The following RORA variants were observed in gnomAD, a reference collection of about 807,000 sequenced individuals.
RORA encodes the protein nuclear receptor ROR-alpha.
A neutral mutation model predicts 69.5 loss-of-function variants in RORA; 7 were observed. That is an observed-to-expected ratio of 0.10 (90% CI 0.06 to 0.19). The LOEUF (loss-of-function observed/expected upper bound fraction) is 0.19. RORA is among the 10% of genes least tolerant of loss of function. The pLI, the probability that RORA is intolerant of heterozygous loss-of-function variation, is 1.00. For synonymous variants in RORA, 261 were observed against 240.8 expected (o/e 1.08, Z -0.78); for missense variants, 457 against 663.0 (o/e 0.69, Z 3.41).
Position 61,186,633 on chromosome 15 carries a change from C to T in RORA, c.166+42420G>A, listed in dbSNP as rs1291091291. Among the ~76,000 whole-genome samples, 145 of 95,910 alleles carry T rather than the reference C, an allele frequency of 1.5e-3. 1 individual carries two copies. The highest frequency in any genetic ancestry group is 7.8e-3 in the Middle Eastern group (1 of 128). 62.9% of individuals were successfully genotyped at this position (95,910 alleles called of 152,430 possible). ...TCCAGCCTGGGCAATGATGTGAGACCCTGACTCAAAAAAAAAAAAAAAAAA... is the reference window on the plus strand; with the variant it reads ...TCCAGCCTGGGCAATGATGTGAGACTCTGACTCAAAAAAAAAAAAAAAAAA... On this transcript the variant is annotated intron_variant, in intron 1 of 10. Coordinates refer to ENST00000335670, the MANE Select transcript of RORA (RefSeq NM_134261.3).
chr15:61,062,273 C>T (rs2140548125), intron 1 of RORA, among the ~76,000 whole-genome samples: 1 of 152,278 alleles, frequency 6.6e-6, no homozygotes, highest in South Asian at 2.1e-4. Context: ...GCCCAGCTTC[C>T]CAAGTTTGTC....
At chr15:61,202,850 ATT>A (rs2079907875) in intron 1 of RORA, among the ~76,000 whole-genome samples, 1 of 152,196 alleles carries the variant, frequency 6.6e-6, no homozygotes, top group African/African-American at 2.4e-5. Context: ...ATGCAAACGT[ATT>A]TAGGCTCTGA....
At chr15:61,075,413 T>C (rs535381833) in intron 1 of RORA, among the ~76,000 whole-genome samples, 71 of 152,288 alleles carry the variant, frequency 4.7e-4, no homozygotes, top group African/African-American at 1.7e-3. Context: ...AGGGAAGGCC[T>C]GCAGTGGGTG....
chr15:60,573,782 G>A (rs563560240), intron 2 of RORA, among the ~76,000 whole-genome samples: 64 of 152,304 alleles, frequency 4.2e-4, no homozygotes, highest in Middle Eastern at 3.4e-3. Flanking sequence ...CCCTCAGTCT[G>A]ATTTGTGCTC....
intron 1 of RORA, among the ~76,000 whole-genome samples, chr15:61,169,320 T>A (rs1487487194): frequency 1.3e-5 from 2 of 151,912 alleles, no homozygotes; most frequent in Non-Finnish European, 2.9e-5. Context: ...GGCTTGACGT[T>A]GATGCTAAAA....
chr15:60,884,202 AAG>A (rs570842239), intron 1 of RORA, among the ~76,000 whole-genome samples: 13 of 150,780 alleles, frequency 8.6e-5, no homozygotes, highest in Middle Eastern at 3.4e-3. Flanking sequence ...CAAAGAGAGA[AAG>A]AGAGAGAGAG....
intron 1 of RORA, among the ~76,000 whole-genome samples, chr15:61,114,708 C>A (rs997703183): frequency 6.6e-6 from 1 of 152,128 alleles, no homozygotes; most frequent in Non-Finnish European, 1.5e-5. Context: ...ATATAATTGG[C>A]CTTGCATCAC....
chr15:60,603,855 C>A (rs113335544), intron 2 of RORA, among the ~76,000 whole-genome samples: 2 of 152,216 alleles, frequency 1.3e-5, no homozygotes, highest in South Asian at 4.1e-4. Context: ...ACAAACAGGG[C>A]GGGGCATGGT....
At chr15:61,168,332 G>A (rs954294724) in intron 1 of RORA, among the ~76,000 whole-genome samples, 6 of 151,950 alleles carry the variant, frequency 3.9e-5, no homozygotes, top group African/African-American at 9.7e-5. Flanking sequence ...GGGTTCAAGC[G>A]ATTCTCTTGC....
At position 61,173,969 on chromosome 15, in the gene RORA, G is replaced by A. The variant is rs1339847692; in HGVS notation, c.166+55084C>T. On this transcript the variant is annotated intron_variant, in intron 1 of 10. Coordinates refer to ENST00000335670, the MANE Select transcript of RORA (RefSeq NM_134261.3). ...GTCTGAATCAGCAGGTGAGGGGCCT[G>A]GGAATCTGTGCTTTTAGCAAACTCC... 1.3e-5 allele frequency among the ~76,000 whole-genome samples: 2 copies of A among 152,190 alleles called. 1 individual carries two copies. The highest frequency in any genetic ancestry group is 1.3e-4 in the Admixed American group (2 of 15,278).
chr15:61,027,226 T>TA (rs5813060), intron 1 of RORA, among the ~76,000 whole-genome samples: 10,397 of 152,302 alleles, frequency 0.068, 395 homozygotes, highest in East Asian at 0.15. Context: ...GAGGACTATT[T>TA]AAGGTGCGAA....
intron 1 of RORA, among the ~76,000 whole-genome samples, chr15:60,695,958 C>A (rs1015065684): frequency 1.3e-5 from 2 of 152,074 alleles, no homozygotes; most frequent in African/African-American, 2.4e-5. Context: ...CCGCGACCAC[C>A]AAGCCACAGA....
chr15:60,863,989 T>C lies in RORA; in HGVS notation c.167-185303A>G, dbSNP rs576467715. Among the ~76,000 whole-genome samples the C allele has an allele frequency of 3.3e-5, 5 of 152,280 alleles. No homozygotes were observed. The South Asian group carries it at 1.0e-3, about 32-fold the overall frequency. ...GCCCAGCTAGTTTTTGTATTTTTAGTAGAGAGGGAATTTCACCATATTGGC... is the reference window on the plus strand; with the variant it reads ...GCCCAGCTAGTTTTTGTATTTTTAGCAGAGAGGGAATTTCACCATATTGGC... On this transcript the variant is annotated intron_variant, in intron 1 of 10. Transcript: ENST00000335670.
chr15:60,790,106 G>A (rs754020405), intron 1 of RORA, among the ~76,000 whole-genome samples: 13 of 152,226 alleles, frequency 8.5e-5, no homozygotes, highest in Non-Finnish European at 1.3e-4. Context: ...GGCTCACACA[G>A]GTTAAGTCTT....
intron 1 of RORA, among the ~76,000 whole-genome samples, chr15:60,901,173 T>C (rs181080077): frequency 6.6e-6 from 1 of 151,784 alleles, no homozygotes; most frequent in Non-Finnish European, 1.5e-5. Flanking sequence ...ATTCATGATT[T>C]TTTTTTTCTT....
At chr15:60,723,386 C>T (rs987798823) in intron 1 of RORA, among the ~76,000 whole-genome samples, 2 of 150,502 alleles carry the variant, frequency 1.3e-5, no homozygotes, top group Non-Finnish European at 3.0e-5. Context: ...TTCCCCCCCC[C>T]ACTCACATAA....
rs1226666672 is a variant in RORA at position 60,544,488 on chromosome 15, G to T, written c.197-12637C>A. Among the ~76,000 whole-genome samples, 4 of 151,930 alleles carry T rather than the reference G, an allele frequency of 2.6e-5. No homozygotes were observed. The East Asian group carries it at 5.8e-4, about 22-fold the overall frequency. ...GCTCTCCCTGCTTTTTTTTGTTGTT[G>T]TTGTTGTGCTTAATGTTAGAAAATA... On this transcript the variant is annotated intron_variant, in intron 2 of 10. Coordinates refer to ENST00000335670, the MANE Select transcript of RORA (RefSeq NM_134261.3).
intron 2 of RORA, among the ~76,000 whole-genome samples, chr15:60,582,749 T>C (rs2068229398): frequency 6.6e-6 from 1 of 152,212 alleles, no homozygotes; most frequent in Non-Finnish European, 1.5e-5. Flanking sequence ...TATATATCTT[T>C]TAAAAACTCT....
chr15:60,905,666 G>A lies in RORA; in HGVS notation c.167-226980C>T, dbSNP rs994269599. On this transcript the variant is annotated intron_variant, in intron 1 of 10. Coordinates refer to ENST00000335670, the MANE Select transcript of RORA (RefSeq NM_134261.3). The surrounding 1 kb of genome is among the most constrained non-coding windows in gnomAD (Gnocchi z 4.8). ...CCTCAAGAGCGTCTGTATCTGCCCCGGTTCTGTCAGGAAAATTAAACAGAG... is the reference window on the plus strand; with the variant it reads ...CCTCAAGAGCGTCTGTATCTGCCCCAGTTCTGTCAGGAAAATTAAACAGAG... Among the ~76,000 whole-genome samples, 2 of 152,134 alleles carry A rather than the reference G, an allele frequency of 1.3e-5. No homozygotes were observed. Among genetic ancestry groups the A allele is most frequent in the African/African-American group, 2.4e-5 (1 of 41,406 alleles).
Sources: allele counts gnomAD v4.1 joint callset (sites outside exome capture counted in the v4.1 genomes callset), GRCh38; gene constraint gnomAD v4.1.1; non-coding constraint Gnocchi (gnomAD v3.1); transcripts MANE v1.5; gene names NCBI Gene and HGNC (gene_info 2026-07-23, HGNC 2026-07-21).